ARID1B: variants seen among roughly 807,000 people sequenced by gnomAD.
The protein encoded by ARID1B is AT-rich interaction domain 1B.
In ARID1B, 30 loss-of-function variants were observed where a neutral mutation model predicts 212.3. The observed-to-expected ratio is 0.14, with a 90% CI of 0.11 to 0.19. The LOEUF (loss-of-function observed/expected upper bound fraction) is 0.19. Among genes scored for constraint, ARID1B ranks in the 10% least tolerant of loss-of-function variants. ARID1B has a pLI of 1.00. For synonymous variants in ARID1B, 1,402 were observed against 1,301.7 expected, an observed-to-expected ratio of 1.08 and a Z score of -1.66; for missense variants, 2,891 against 3,204.0, an observed-to-expected ratio of 0.90 and a Z score of 2.36.
At chr6:157,168,220 CGT>C (rs1290733646) in intron 9 of ARID1B, 1 of 152,214 alleles carries the variant, frequency 6.6e-6, no homozygotes. Flanking sequence ...GCTTCTGCGT[CGT>C]TGATTTCTAG....
At chr6:156,944,635 T>C (rs1018806194) in intron 4 of ARID1B, among the ~76,000 whole-genome samples, 5 of 152,148 alleles carry the variant, frequency 3.3e-5, no homozygotes, top group Non-Finnish European at 4.4e-5. Flanking sequence ...CTGAACCAAG[T>C]TGATCATGTG....
At chr6:157,039,399 C>T (rs370080200) in intron 4 of ARID1B, among the ~76,000 whole-genome samples, 29 of 138,516 alleles carry the variant, frequency 2.1e-4, no homozygotes, top group South Asian at 6.6e-4. Flanking sequence ...GGCGCAATCT[C>T]GGCTCACTGC....
chr6:157,129,600 C>A (rs1244944006), intron 6 of ARID1B, among the ~76,000 whole-genome samples: 6 of 152,188 alleles, frequency 3.9e-5, no homozygotes, highest in African/African-American at 9.7e-5. Context: ...TGAACTTTGT[C>A]CCTAAGGTAT....
intron 3 of ARID1B, among the ~76,000 whole-genome samples, chr6:156,932,446 A>T (rs899069102): frequency 2.0e-5 from 3 of 152,206 alleles, no homozygotes; most frequent in African/African-American, 7.2e-5. Context: ...GTAATTATTT[A>T]TATGTGTATA....
rs1042303889 is a variant in ARID1B at position 157,186,304 on chromosome 6, A to G, written c.3919+1869A>G. Reference sequence around the variant, plus strand: ...TTATGGCAACATTATCATTTTAACTACACAAAAGAGCTTGGATTGCAAATG... The same window carrying G: ...TTATGGCAACATTATCATTTTAACTGCACAAAAGAGCTTGGATTGCAAATG... On this transcript the variant is annotated intron_variant, in intron 13 of 19. Coordinates refer to ENST00000636930, the MANE Select transcript of ARID1B (RefSeq NM_001374828.1). The G allele has an allele frequency of 5.9e-5, 22 of 374,354 alleles. No homozygotes were observed. The Admixed American group carries it at 7.3e-4, about 12-fold the overall frequency. The allele number at this position is 374,354 out of a possible 1,614,324, so 23.2% of individuals were successfully genotyped here.
At chr6:156,827,726 C>T (rs1782840117) in intron 1 of ARID1B, among the ~76,000 whole-genome samples, 2 of 145,858 alleles carry the variant, frequency 1.4e-5, no homozygotes, top group South Asian at 4.6e-4. Context: ...CCACCTTGGA[C>T]GTGTTATTCC....
At position 156,875,100 on chromosome 6, in the gene ARID1B, T is replaced by G. The variant is rs556131591; in HGVS notation, c.1987-26276T>G. On this transcript the variant is annotated intron_variant, in intron 2 of 19. Coordinates refer to ENST00000636930, the MANE Select transcript of ARID1B (RefSeq NM_001374828.1). ...TCTCTAAATGGCCTATTTGAGTATA[T>G]AGATTAAGAGTAGTGTCTAGATATA... 7.2e-5 allele frequency among the ~76,000 whole-genome samples: 11 copies of G among 152,340 alleles called. No individual in the cohort carries two copies. The South Asian group carries it at 2.3e-3, about 32-fold the overall frequency.
At chr6:156,956,599 C>T (rs1284178680) in intron 4 of ARID1B, among the ~76,000 whole-genome samples, 2 of 152,106 alleles carry the variant, frequency 1.3e-5, no homozygotes, top group Non-Finnish European at 2.9e-5. Flanking sequence ...ATGACAGCTT[C>T]TTAGTCCACT....
chr6:157,108,336 A>G (rs778392106), intron 5 of ARID1B, among the ~76,000 whole-genome samples: 3 of 152,186 alleles, frequency 2.0e-5, no homozygotes, highest in Admixed American at 6.5e-5. Context: ...AATATTGTGC[A>G]TAAGAGCAGT....
chr6:157,144,258 C>G (rs1016872572), intron 7 of ARID1B, among the ~76,000 whole-genome samples: 1 of 152,214 alleles, frequency 6.6e-6, no homozygotes. Flanking sequence ...AAGCAGAATT[C>G]TACAAACTCA....
chr6:157,013,812 T>C (rs1779752448), intron 4 of ARID1B, among the ~76,000 whole-genome samples: 1 of 152,138 alleles, frequency 6.6e-6, no homozygotes. Flanking sequence ...AGAATAGAAG[T>C]GACAAGCAAG....
chr6:156,849,981 C>T (rs1165550606), intron 2 of ARID1B, among the ~76,000 whole-genome samples: 1 of 149,136 alleles, frequency 6.7e-6, no homozygotes, highest in African/African-American at 2.5e-5. Context: ...CAAAGTGGCA[C>T]CTGTTAGAGC....
At chr6:156,803,883 C>T (rs1007434522) in intron 1 of ARID1B, among the ~76,000 whole-genome samples, 1 of 152,016 alleles carries the variant, frequency 6.6e-6, no homozygotes, top group Non-Finnish European at 1.5e-5. Context: ...GATGATGAAA[C>T]GTAATTTACG....
At chr6:156,830,843 A>G (rs950857007) in intron 2 of ARID1B, among the ~76,000 whole-genome samples, 2 of 152,112 alleles carry the variant, frequency 1.3e-5, no homozygotes, top group Non-Finnish European at 2.9e-5. Context: ...TCCCACTTGG[A>G]TGATTTTGTT....
chr6:157,106,082 C>G (rs963315825), intron 5 of ARID1B, among the ~76,000 whole-genome samples: 2 of 152,008 alleles, frequency 1.3e-5, no homozygotes, highest in African/African-American at 4.8e-5. Context: ...AACATAGACC[C>G]CAGCAATACA....
intron 12 of ARID1B, 143 bp downstream of exon 12, chr6:157,181,321 G>A (rs1475256417): frequency 6.7e-6 from 7 of 1,047,284 alleles, no homozygotes; most frequent in Admixed American, 2.6e-5. Flanking sequence ...TGCAACCCAC[G>A]TCTGTGTGCT....
Position 157,184,368 on chromosome 6 carries a change from G to T in ARID1B, c.3852G>T (p.Glu1284Asp). 3.7e-6 allele frequency: 6 copies of T among 1,614,156 alleles called. 1 individual carries two copies. The highest frequency in any genetic ancestry group is 5.1e-6 in the Non-Finnish European group (6 of 1,180,028). Residue 1284 changes from glutamate (E) to aspartate (D), a missense_variant, in exon 13 of 20, where the codon GAG becomes GAT. Glu to Asp is a conservative substitution (Grantham distance 45, BLOSUM62 2). Around this residue, in one of 7 missense-constraint regions of ARID1B, gnomAD observed 666 missense variants for 873.5 expected, o/e 0.76. Transcript: ENST00000636930. ...AFECKIERGE[E>D]PPPEVFSTGD... ...AGTGCAAGATCGAACGTGGGGAGGA[G>T]CCCCCGCCGGAAGTCTTCAGCACCG...
At chr6:157,021,701 G>C (rs114636855) in intron 4 of ARID1B, among the ~76,000 whole-genome samples, 1,666 of 152,106 alleles carry the variant, frequency 0.011, 26 homozygotes, top group African/African-American at 0.038. Context: ...GGCAAGCGCG[G>C]CCGCCGCCTG....
chr6:156,882,334 C>T (rs1787167280), intron 2 of ARID1B, among the ~76,000 whole-genome samples: 2 of 152,130 alleles, frequency 1.3e-5, no homozygotes, highest in African/African-American at 4.8e-5. Flanking sequence ...TCCCTGTTTG[C>T]CCATGGGCTC....
Sources: allele counts gnomAD v4.1 joint callset (sites outside exome capture counted in the v4.1 genomes callset), GRCh38; gene constraint gnomAD v4.1.1; regional missense constraint gnomAD v4.1.1; transcripts MANE v1.5; gene names NCBI Gene and HGNC (gene_info 2026-07-23, HGNC 2026-07-21).